Variants in CCDC3 observed in about 807,000 individuals in gnomAD.
CCDC3 encodes coiled-coil domain containing 3.
A neutral mutation model predicts 21.4 loss-of-function variants in CCDC3; 24 were observed. That is an observed-to-expected ratio of 1.12 (90% CI 0.81 to 1.58). The LOEUF is 1.58. CCDC3 is among the 40% of genes most tolerant of loss of function. CCDC3 has a pLI of 0.00. For synonymous variants in CCDC3, 186 were observed against 166.0 expected (o/e 1.12, Z -0.93); for missense variants, 425 against 360.9 (o/e 1.18, Z -1.44).
At chr10:12,960,711 C>T (rs2131256626) in intron 2 of CCDC3, among the ~76,000 whole-genome samples, 1 of 152,268 alleles carries the variant, frequency 6.6e-6, no homozygotes, top group South Asian at 2.1e-4. Context: ...GGCTGCGGGA[C>T]CCTCCCTTAG....
chr10:12,967,327 T>C (rs1300683492), intron 2 of CCDC3, among the ~76,000 whole-genome samples: 3 of 152,152 alleles, frequency 2.0e-5, no homozygotes, highest in Admixed American at 6.5e-5. Context: ...AATCTCCCAG[T>C]AACTAACCAC....
chr10:13,046,816 G>A (rs966729281), intron 5 of CCDC3, among the ~76,000 whole-genome samples: 1 of 151,914 alleles, frequency 6.6e-6, no homozygotes, highest in South Asian at 2.1e-4. Context: ...ATCTATCATC[G>A]AAAATATTTA....
chr10:12,986,746 C>G (rs560766335), intron 2 of CCDC3, among the ~76,000 whole-genome samples: 5 of 150,472 alleles, frequency 3.3e-5, no homozygotes, highest in Admixed American at 3.3e-4. Flanking sequence ...GCACCCCAGC[C>G]TGGGCGGCAG....
chr10:12,940,607 C>G (rs1046244674), intron 2 of CCDC3, among the ~76,000 whole-genome samples: 1 of 152,160 alleles, frequency 6.6e-6, no homozygotes, highest in African/African-American at 2.4e-5. Flanking sequence ...CTTGTAGAGC[C>G]TTACCTTACA....
chr10:12,904,125 A>G (rs1198257179), intron 2 of CCDC3, among the ~76,000 whole-genome samples: 1 of 151,644 alleles, frequency 6.6e-6, no homozygotes, highest in Non-Finnish European at 1.5e-5. Context: ...TGGAGGAGGG[A>G]GCATCTGGTG....
intron 2 of CCDC3, among the ~76,000 whole-genome samples, chr10:12,943,047 T>C (rs1834858290): frequency 6.6e-6 from 1 of 152,232 alleles, no homozygotes; most frequent in South Asian, 2.1e-4. Flanking sequence ...GTGTGATTTT[T>C]TTCTATCTTC....
rs568763300 is a variant in CCDC3 at position 13,051,342 on chromosome 10, T to C, written c.-269-1401A>G. On this transcript the variant is annotated intron_variant, in intron 4 of 6. Transcript: ENST00000378839. ...CCTGCAGGGGTGGTCAGAAAAGCAA[T>C]GAGGTATGGCAGGAAGATTGAGGCT... 2.6e-3 allele frequency among the ~76,000 whole-genome samples: 396 copies of C among 152,146 alleles called. 2 individuals are homozygous for C. Among genetic ancestry groups the C allele is most frequent in the African/African-American group, 8.9e-3 (370 of 41,494 alleles).
intron 2 of CCDC3, among the ~76,000 whole-genome samples, chr10:12,907,944 T>A (rs1226399546): frequency 6.6e-6 from 1 of 152,224 alleles, no homozygotes; most frequent in African/African-American, 2.4e-5. Context: ...GGGCCAGCCC[T>A]GCTGAGAGTT....
chr10:13,022,248 T>C (rs1211810147), intron 5 of CCDC3, among the ~76,000 whole-genome samples: 1 of 152,066 alleles, frequency 6.6e-6, no homozygotes. Flanking sequence ...CAATCCTCTC[T>C]CTCTTTTTTT....
chr10:12,980,984 G>C (rs998963901), intron 2 of CCDC3, among the ~76,000 whole-genome samples: 1 of 152,168 alleles, frequency 6.6e-6, no homozygotes, highest in African/African-American at 2.4e-5. Context: ...GCCAGAGGAA[G>C]GCTGGCTTGA....
intron 2 of CCDC3, among the ~76,000 whole-genome samples, chr10:12,920,133 C>G (rs1790753687): frequency 6.6e-6 from 1 of 152,114 alleles, no homozygotes; most frequent in Non-Finnish European, 1.5e-5. Flanking sequence ...AATGGACTCT[C>G]AGTTCCATGT....
rs188642294 is a variant in CCDC3 at position 13,083,196 on chromosome 10, T to C, written c.-502-9096A>G. Among the ~76,000 whole-genome samples, 5 of 152,354 alleles carry C rather than the reference T, an allele frequency of 3.3e-5. No homozygotes were observed. The East Asian group carries it at 9.6e-4, about 29-fold the overall frequency. The stretch of plus-strand genomic sequence containing the variant: ...GTATGGTAGTATTGTAGAGGACCTT[T>C]ACTGGACATTCTGCCAAACAATTAG... On this transcript the variant is annotated intron_variant, in intron 3 of 6. Coordinates refer to the CCDC3 transcript ENST00000378839.
At chr10:13,069,115 C>G (rs572509525) in intron 4 of CCDC3, among the ~76,000 whole-genome samples, 2 of 152,146 alleles carry the variant, frequency 1.3e-5, no homozygotes, top group South Asian at 2.1e-4. Flanking sequence ...ATTAGCTGGG[C>G]GTGGTGGCAC....
intron 2 of CCDC3, among the ~76,000 whole-genome samples, chr10:12,934,288 C>T (rs1251007): frequency 0.77 from 116,549 of 152,230 alleles, 44,748 homozygotes; most frequent in East Asian, 0.92. Context: ...CCATTGTCGT[C>T]TTTCCATTGT....
At chr10:12,941,187 T>A (rs1375772553) in intron 2 of CCDC3, among the ~76,000 whole-genome samples, 1 of 152,130 alleles carries the variant, frequency 6.6e-6, no homozygotes, top group African/African-American at 2.4e-5. Flanking sequence ...CCTCTGGTGG[T>A]CCTCACTGCT....
chr10:12,919,912 G>A (rs920634341), intron 2 of CCDC3, among the ~76,000 whole-genome samples: 1 of 152,178 alleles, frequency 6.6e-6, no homozygotes, highest in Non-Finnish European at 1.5e-5. Context: ...CCAGGGATGG[G>A]CAGTGACTTG....
chr10:13,075,052 A>C (rs1340065151), intron 3 of CCDC3, among the ~76,000 whole-genome samples: 2 of 152,164 alleles, frequency 1.3e-5, no homozygotes, highest in Non-Finnish European at 2.9e-5. Flanking sequence ...GGAACATCAG[A>C]ACTGACGCAT....
intron 2 of CCDC3, among the ~76,000 whole-genome samples, chr10:12,902,462 C>G (rs1293189750): frequency 6.6e-6 from 1 of 152,112 alleles, no homozygotes; most frequent in Non-Finnish European, 1.5e-5. Flanking sequence ...AATGACACTC[C>G]CTCATTAAGT....
chr10:13,037,804 T>C (rs1836396799), intron 5 of CCDC3, among the ~76,000 whole-genome samples: 1 of 152,142 alleles, frequency 6.6e-6, no homozygotes, highest in African/African-American at 2.4e-5. Context: ...ATCCCATCTC[T>C]AAAACAAAGA....
Sources: allele counts gnomAD v4.1 joint callset (sites outside exome capture counted in the v4.1 genomes callset), GRCh38; gene constraint gnomAD v4.1.1; transcripts MANE v1.5; gene names NCBI Gene and HGNC (gene_info 2026-07-23, HGNC 2026-07-21).